The following GRID1 variants were observed in gnomAD, a reference collection of about 807,000 sequenced individuals.
The protein encoded by GRID1 is glutamate ionotropic receptor delta type subunit 1.
GRID1 carries 28 observed loss-of-function variants against 98.0 expected under a neutral mutation model. That is an observed-to-expected ratio of 0.29 (90% CI 0.21 to 0.39). The LOEUF is 0.39. Ranked by LOEUF, GRID1 falls within the 10% of genes least tolerant of loss-of-function variation. GRID1 has a pLI of 1.00. For synonymous variants in GRID1, 553 were observed against 538.5 expected (o/e 1.03, Z -0.37); for missense variants, 1,111 against 1,340.5 (o/e 0.83, Z 2.67).
intron 12 of GRID1, among the ~76,000 whole-genome samples, chr10:85,719,491 G>A (rs1841676148): frequency 6.6e-6 from 1 of 152,216 alleles, no homozygotes; most frequent in Non-Finnish European, 1.5e-5. Context: ...GAATCATGGT[G>A]GGAGGTGAAA....
At chr10:85,620,424 G>A (rs186156925) in intron 13 of GRID1, among the ~76,000 whole-genome samples, 2 of 151,508 alleles carry the variant, frequency 1.3e-5, no homozygotes, top group Non-Finnish European at 3.0e-5. Context: ...AAATGTTGGG[G>A]AGAATAATAT....
At chr10:86,125,774 G>C (rs1193620395) in intron 4 of GRID1, among the ~76,000 whole-genome samples, 1 of 152,074 alleles carries the variant, frequency 6.6e-6, no homozygotes, top group Non-Finnish European at 1.5e-5. Flanking sequence ...AGATAACAAG[G>C]ACGAAGACCT....
chr10:86,329,360 C>T (rs369701281), intron 2 of GRID1, among the ~76,000 whole-genome samples: 3 of 152,184 alleles, frequency 2.0e-5, no homozygotes, highest in Non-Finnish European at 4.4e-5. Flanking sequence ...TACAAACAAC[C>T]GCCAACCCCA....
At chr10:85,877,341 G>C (rs897920521) in intron 5 of GRID1, among the ~76,000 whole-genome samples, 4 of 152,192 alleles carry the variant, frequency 2.6e-5, no homozygotes, top group African/African-American at 4.8e-5. Context: ...AGCCTAACTG[G>C]GAGGCACCCC....
At chr10:85,630,334 C>A (rs1400592807) in intron 13 of GRID1, among the ~76,000 whole-genome samples, 3 of 152,200 alleles carry the variant, frequency 2.0e-5, no homozygotes, top group Non-Finnish European at 4.4e-5. Flanking sequence ...CCACCTCACA[C>A]ACTTGTCACA....
chr10:86,293,312 C>T (rs541050923), intron 2 of GRID1, among the ~76,000 whole-genome samples: 99 of 152,132 alleles, frequency 6.5e-4, no homozygotes, highest in Non-Finnish European at 1.3e-3. Context: ...CCATGTCTTT[C>T]CCTGGCCCAG....
intron 4 of GRID1, among the ~76,000 whole-genome samples, chr10:86,063,417 G>C (rs1486334324): frequency 1.3e-5 from 2 of 152,142 alleles, no homozygotes; most frequent in Non-Finnish European, 2.9e-5. Flanking sequence ...CCCAGAGAGA[G>C]CAGCCTGCAC....
intron 15 of GRID1, 102 bp from the exon 16 acceptor site, chr10:85,602,803 G>A (rs745596128): frequency 7.6e-5 from 61 of 802,514 alleles, no homozygotes; most frequent in Non-Finnish European, 1.1e-4. Flanking sequence ...TGGTCAGCCT[G>A]TTGGGCTGTG....
chr10:85,986,498 C>T (rs550952754), intron 4 of GRID1, among the ~76,000 whole-genome samples: 55 of 152,322 alleles, frequency 3.6e-4, no homozygotes, highest in African/African-American at 1.1e-3. Flanking sequence ...AAGAGCATCA[C>T]GTAACAATCA....
At chr10:86,100,364 T>C (rs1312955022) in intron 4 of GRID1, among the ~76,000 whole-genome samples, 1 of 152,088 alleles carries the variant, frequency 6.6e-6, no homozygotes, top group East Asian at 1.9e-4. Context: ...AATCATTTAG[T>C]CAAATATCTA....
intron 8 of GRID1, among the ~76,000 whole-genome samples, chr10:85,766,307 G>A (rs1376911029): frequency 6.6e-6 from 1 of 152,148 alleles, no homozygotes; most frequent in Non-Finnish European, 1.5e-5. Context: ...GCAATGTGGT[G>A]AAACCCCATT....
At chr10:85,752,746 G>T (rs1442821606) in intron 8 of GRID1, among the ~76,000 whole-genome samples, 1 of 152,124 alleles carries the variant, frequency 6.6e-6, no homozygotes, top group Non-Finnish European at 1.5e-5. Context: ...GAGAGTTAAA[G>T]AAATGTCCAC....
At chr10:85,779,904 G>T (rs1049645944) in intron 8 of GRID1, among the ~76,000 whole-genome samples, 3 of 152,196 alleles carry the variant, frequency 2.0e-5, no homozygotes, top group African/African-American at 7.2e-5. Flanking sequence ...TTTGGACCTG[G>T]TTGGCTTTGC....
At chr10:85,686,661 T>A (rs921276587) in intron 12 of GRID1, among the ~76,000 whole-genome samples, 3 of 152,112 alleles carry the variant, frequency 2.0e-5, no homozygotes, top group Non-Finnish European at 2.9e-5. Context: ...ATACATATAT[T>A]AAATATATTT....
rs775506130 is a variant in GRID1 at position 85,634,249 on chromosome 10, C to CCTCTCTCTCTCTCTCT, written c.2193+12937_2193+12952dup. Among the ~76,000 whole-genome samples the CCTCTCTCTCTCTCTCT allele has an allele frequency of 7.0e-3, 644 of 92,264 alleles. 16 individuals carry two copies. Among genetic ancestry groups the CCTCTCTCTCTCTCTCT allele is most frequent in the African/African-American group, 0.013 (312 of 23,206 alleles). The allele number at this position is 92,264 out of a possible 152,430, so 60.5% of individuals were successfully genotyped here. On this transcript the variant is annotated intron_variant, in intron 13 of 15. Transcript: ENST00000327946. ...ATTCCTGCACAGCCCTGATGGGGCA[C>CCTCTCTCTCTCTCTCT]CTCTCTCTCTCTCTCTCTCTCTCTC... is the stretch of plus-strand genomic sequence containing the variant.
chr10:85,793,091 A>G (rs888299206), intron 8 of GRID1, among the ~76,000 whole-genome samples: 6 of 151,834 alleles, frequency 4.0e-5, no homozygotes, highest in Non-Finnish European at 7.4e-5. Context: ...TCCTTTCTGG[A>G]GCTCAACACT....
rs555801129 is a variant in GRID1 at position 85,916,470 on chromosome 10, C to A, written c.727-231G>T. Among the ~76,000 whole-genome samples, 7 of 152,306 alleles carry A rather than the reference C, an allele frequency of 4.6e-5. No homozygotes were observed. Among genetic ancestry groups the A allele is most frequent in the African/African-American group, 1.4e-4 (6 of 41,558 alleles). On this transcript the variant is annotated intron_variant, in intron 4 of 15. Coordinates refer to ENST00000327946, the MANE Select transcript of GRID1 (RefSeq NM_017551.3). The surrounding 1 kb of genome is among the most constrained non-coding windows in gnomAD (Gnocchi z 4.0). ...CACGCACTCCTGCACCAGCCCAGAG[C>A]AAGATTAGACGCTTGGGTTCCTGCA...
At chr10:86,316,323 C>T (rs184561222) in intron 2 of GRID1, among the ~76,000 whole-genome samples, 1 of 152,364 alleles carries the variant, frequency 6.6e-6, no homozygotes, top group Admixed American at 6.5e-5. Flanking sequence ...TCCCACACAC[C>T]CTCACAGCCA....
chr10:85,738,538 C>T (rs1351940126), intron 8 of GRID1, among the ~76,000 whole-genome samples: 1 of 152,168 alleles, frequency 6.6e-6, no homozygotes, highest in Non-Finnish European at 1.5e-5. Context: ...TACAAAGGTC[C>T]ATATGTGAAT....
Sources: gnomAD v4.1 joint callset for allele counts (sites outside exome capture counted in the v4.1 genomes callset) on GRCh38, gnomAD v4.1.1 for gene constraint, Gnocchi (gnomAD v3.1) non-coding constraint, MANE v1.5 for transcripts, NCBI Gene and HGNC (gene_info 2026-07-23, HGNC 2026-07-21) for gene names.